RPA1: variants seen among roughly 807,000 people sequenced by gnomAD.
The protein encoded by RPA1 is replication protein A1, also known as replication protein A 70 kDa DNA-binding subunit.
Under a neutral mutation model 83.0 loss-of-function variants are expected in RPA1, and 49 were observed. The ratio of observed to expected loss-of-function variants is 0.59; its 90% CI spans 0.47 to 0.75. The LOEUF (loss-of-function observed/expected upper bound fraction) is 0.75, where lower values mean the gene tolerates loss of function less well. RPA1 is among the 30% of genes least tolerant of loss of function. RPA1 has a pLI of 0.00. For missense variants in RPA1, 693 were observed against 776.1 expected (o/e 0.89, Z 1.27); for synonymous variants, 279 against 281.8 (o/e 0.99, Z 0.10).
chr17:1,876,555 T>C (rs1323127226), intron 7 of RPA1, among the ~76,000 whole-genome samples: 1 of 152,226 alleles, frequency 6.6e-6, no homozygotes, highest in Non-Finnish European at 1.5e-5. Context: ...ATTCCGTCTC[T>C]CAAGATAAAT....
At chr17:1,836,108 T>TGA (rs1911810974) in intron 1 of RPA1, among the ~76,000 whole-genome samples, 1 of 73,534 alleles carries the variant, frequency 1.4e-5, no homozygotes, top group Non-Finnish European at 5.4e-5. Flanking sequence ...AAATTGCACC[T>TGA]TTTTTATTTA....
intron 5 of RPA1, among the ~76,000 whole-genome samples, chr17:1,868,034 TG>T (rs1354229929): frequency 6.6e-6 from 1 of 151,984 alleles, no homozygotes; most frequent in Admixed American, 6.6e-5. Flanking sequence ...CAGTGAGCTA[TG>T]ATCATGCCGC....
intron 1 of RPA1, among the ~76,000 whole-genome samples, chr17:1,841,092 C>G (rs1207429208): frequency 6.6e-6 from 1 of 152,046 alleles, no homozygotes; most frequent in Non-Finnish European, 1.5e-5. Flanking sequence ...AAAGAAAGTT[C>G]TTTTGATGGT....
At chr17:1,882,760 C>T (rs1913844336) in intron 12 of RPA1, among the ~76,000 whole-genome samples, 1 of 152,174 alleles carries the variant, frequency 6.6e-6, no homozygotes, top group African/African-American at 2.4e-5. Flanking sequence ...TCCGTTTCCA[C>T]ACTGGTACAT....
Position 1,891,557 on chromosome 17 carries a change from T to C in RPA1, c.1552-276T>C, listed in dbSNP as rs1914203968. On this transcript the variant is annotated intron_variant, in intron 14 of 16. Coordinates refer to ENST00000254719, the MANE Select transcript of RPA1 (RefSeq NM_002945.5). ...GCCTCAGCCTCCTGAGTAGCTGGGA[T>C]TACAGGCACCCGCCACCATGCCTGG... The C allele has an allele frequency of 3.2e-5, 4 of 125,344 alleles. No homozygotes were observed. The South Asian group carries it at 4.4e-4, about 14-fold the overall frequency. 7.8% of individuals were successfully genotyped at this position (125,344 alleles called of 1,614,324 possible).
At chr17:1,883,721 CTG>C in intron 12 of RPA1, 89 bp from the exon 13 acceptor site, 1 of 1,567,002 alleles carries the variant, frequency 6.4e-7, no homozygotes, top group South Asian at 1.1e-5. Flanking sequence ...GGTGGGAAAC[CTG>C]TGTCTGTCGC....
chr17:1,844,699 T>C lies in RPA1; in HGVS notation c.272+13T>C, dbSNP rs754634380. 9.4e-6 allele frequency: 15 copies of C among 1,587,870 alleles called. No homozygotes were observed. The highest frequency in any genetic ancestry group is 5.0e-5 in the Admixed American group (3 of 59,496). On this transcript the variant is annotated intron_variant, in intron 4 of 16. Transcript: ENST00000254719. Reference sequence around the variant, plus strand: ...TGAAAGACGGAAGGTATGTGCTGTGTTTTTTTCTGTCTTATTGTATCGTAG... The same window carrying C: ...TGAAAGACGGAAGGTATGTGCTGTGCTTTTTTCTGTCTTATTGTATCGTAG...
chr17:1,888,743 C>A lies in RPA1; in HGVS notation c.1443C>A (p.Cys481Ter). 2 of 1,614,194 alleles carry A rather than the reference C, an allele frequency of 1.2e-6. No homozygotes were observed. Among genetic ancestry groups the A allele is most frequent in the Non-Finnish European group, 1.7e-6 (2 of 1,180,018 alleles). Residue 481 changes from cysteine to a stop codon, truncating the protein, a stop_gained, in exon 14 of 17, where the codon TGC becomes TGA. Coordinates refer to ENST00000254719, the MANE Select transcript of RPA1 (RefSeq NM_002945.5). LOFTEE classifies it high-confidence loss of function. ...LRKENCMYQA[C>*]PTQDCNKKVI... Reference sequence around the variant, plus strand: ...AAGAGAACTGCATGTACCAAGCCTGCCCGACTCAGGACTGCAATAAGAAAG... The same window carrying A: ...AAGAGAACTGCATGTACCAAGCCTGACCGACTCAGGACTGCAATAAGAAAG...
At position 1,843,910 on chromosome 17, in the gene RPA1, T is replaced by A. The variant is rs374301285; in HGVS notation, c.85-10T>A. ...ACAACCTGGCTAATGAATCAAGTTT[T>A]CTGTCCTAGAACATCCGTCCCATTA... is the stretch of plus-strand genomic sequence containing the variant. On this transcript the variant is annotated splice_polypyrimidine_tract_variant and intron_variant, in intron 2 of 16. Transcript: ENST00000254719. The A allele has an allele frequency of 3.7e-6, 6 of 1,612,560 alleles. No individual in the cohort carries two copies. Among genetic ancestry groups the A allele is most frequent in the Non-Finnish European group, 5.1e-6 (6 of 1,179,374 alleles).
chr17:1,843,952 G>A lies in RPA1; in HGVS notation c.117G>A (p.Pro39=), dbSNP rs17338586. The change falls in exon 3 of 17, where the codon CCG becomes CCA. Residue 39 remains proline (P), a synonymous_variant. Coordinates refer to ENST00000254719, the MANE Select transcript of RPA1 (RefSeq NM_002945.5). ...GTCCCATTACTACGGGGAATAGTCCGCCGCGTTATCGACTGCTCATGAGTG... is the reference window on the plus strand; with the variant it reads ...GTCCCATTACTACGGGGAATAGTCCACCGCGTTATCGACTGCTCATGAGTG... The part of the protein sequence containing the change: ...NIRPITTGNS[P]PRYRLLMSDG... 2.1e-3 allele frequency: 3,315 copies of A among 1,613,806 alleles called. 65 individuals carry two copies. The African/African-American group carries it at 0.038, about 19-fold the overall frequency.
rs572947847 is a variant in RPA1 at position 1,859,517 on chromosome 17, C to T, written c.361+6328C>T. On this transcript the variant is annotated intron_variant, in intron 5 of 16. Transcript: ENST00000254719. ...TCTATATAATTTAGAATTCTTGTGT[C>T]CACTTGATGAGTTGACTCTTATTAT... 2.0e-5 allele frequency among the ~76,000 whole-genome samples: 3 copies of T among 152,272 alleles called. No individual in the cohort carries two copies. The South Asian group carries it at 6.2e-4, about 32-fold the overall frequency.
intron 5 of RPA1, among the ~76,000 whole-genome samples, chr17:1,869,497 C>T (rs547891510): frequency 5.9e-5 from 9 of 151,788 alleles, no homozygotes; most frequent in South Asian, 2.1e-4. Flanking sequence ...GAGATGGCGC[C>T]GTTGCACTCC....
At chr17:1,885,441 A>G (rs1414086542) in intron 13 of RPA1, among the ~76,000 whole-genome samples, 1 of 151,788 alleles carries the variant, frequency 6.6e-6, no homozygotes, top group Admixed American at 6.6e-5. Context: ...TGATGTTGGG[A>G]TTTTGATCTC....
At chr17:1,872,708 CTTTTTTTTTTTTT>C (rs34892322) in intron 6 of RPA1, among the ~76,000 whole-genome samples, 182 bp downstream of exon 6, 3 of 113,054 alleles carry the variant, frequency 2.7e-5, no homozygotes, top group African/African-American at 9.9e-5. Flanking sequence ...TAAAGATTGT[CTTTTTTTTTTTTT>C]TTTTTTTTGG....
chr17:1,884,014 G>T lies in RPA1; in HGVS notation c.1374+70G>T, dbSNP rs1913903372. 2.5e-6 allele frequency: 4 copies of T among 1,589,724 alleles called. No homozygotes were observed. The highest frequency in any genetic ancestry group is 3.4e-6 in the Non-Finnish European group (4 of 1,164,588). Reference sequence around the variant, plus strand: ...GCAGAAGGATGGATTTAGAAACTTGGTTTCCAGCACCAGCTGTCAGAGCCG... The same window carrying T: ...GCAGAAGGATGGATTTAGAAACTTGTTTTCCAGCACCAGCTGTCAGAGCCG... On this transcript the variant is annotated intron_variant, in intron 13 of 16. Transcript: ENST00000254719. This position sits in a 1 kb window ranked among gnomAD's most constrained non-coding sequence, Gnocchi z 4.1.
intron 5 of RPA1, among the ~76,000 whole-genome samples, chr17:1,861,425 T>A (rs1347335631): frequency 6.6e-6 from 1 of 151,548 alleles, no homozygotes; most frequent in Non-Finnish European, 1.5e-5. Context: ...GGGGAGGGGG[T>A]TATGTTAGGT....
intron 5 of RPA1, among the ~76,000 whole-genome samples, chr17:1,854,712 CA>C (rs1912623303): frequency 6.6e-6 from 1 of 152,066 alleles, no homozygotes; most frequent in African/African-American, 2.4e-5. Flanking sequence ...TTCCCCACTG[CA>C]AAAAATTAAA....
chr17:1,858,470 CTT>C (rs71375561), intron 5 of RPA1: 117 of 963,470 alleles, frequency 1.2e-4, no homozygotes, highest in Admixed American at 1.4e-4. Context: ...CTCTCTTTTT[CTT>C]TTTTTTTTTG....
chr17:1,844,425 A>G (rs1161835157), intron 3 of RPA1, among the ~76,000 whole-genome samples, 153 bp from the exon 4 acceptor site: 1 of 152,214 alleles, frequency 6.6e-6, no homozygotes, highest in African/African-American at 2.4e-5. Flanking sequence ...AACAGGCAGC[A>G]AAATACACAG....
Sources: gnomAD v4.1 joint callset for allele counts (sites outside exome capture counted in the v4.1 genomes callset) on GRCh38, gnomAD v4.1.1 for gene constraint, Gnocchi (gnomAD v3.1) non-coding constraint, MANE v1.5 for transcripts, NCBI Gene and HGNC (gene_info 2026-07-23, HGNC 2026-07-21) for gene names.